MAPK4: variants seen among roughly 807,000 people sequenced by gnomAD.
MAPK4 encodes the protein mitogen-activated protein kinase 4.
A neutral mutation model predicts 47.7 loss-of-function variants in MAPK4; 22 were observed. That is an observed-to-expected ratio of 0.46 (90% CI 0.33 to 0.66). The LOEUF (loss-of-function observed/expected upper bound fraction) is 0.66, where lower values mean the gene tolerates loss of function less well. Ranked by LOEUF, MAPK4 falls within the 30% of genes least tolerant of loss-of-function variation. The probability of loss-of-function intolerance (pLI) is 0.02; values close to 1 mark genes in which losing one functional copy is unlikely to be tolerated. For synonymous variants in MAPK4, 390 were observed against 365.7 expected, an observed-to-expected ratio of 1.07 and a Z score of -0.76; for missense variants, 736 against 831.7, an observed-to-expected ratio of 0.88 and a Z score of 1.42.
chr18:50,664,031 C>T lies in MAPK4; in HGVS notation c.73C>T (p.Pro25Ser). 6.2e-7 allele frequency: 1 copy of T among 1,613,766 alleles called. No homozygotes were observed. Among genetic ancestry groups the T allele is most frequent in the Non-Finnish European group, 8.5e-7 (1 of 1,180,026 alleles). The change falls in exon 2 of 6, where the codon CCC (proline) becomes TCC (serine). Residue 25 changes from proline to serine, a missense_variant. By Grantham distance (74) the Pro-to-Ser change is moderately conservative (BLOSUM62 -1). This residue lies in a region of MAPK4 where 327 missense variants were observed against 395.4 expected (regional missense o/e 0.83). Transcript: ENST00000400384. This position sits in a 1 kb window ranked among gnomAD's most constrained non-coding sequence, Gnocchi z 6.0. ...CGGTGGGCGCTTTGTTGACTTCCAACCCCTGGGCTTCGGTGTCAATGGTTT... is the reference window on the plus strand; with the variant it reads ...CGGTGGGCGCTTTGTTGACTTCCAATCCCTGGGCTTCGGTGTCAATGGTTT... ...DLGGRFVDFQPLGFGVNGLVL... is the reference protein window; with the variant it reads ...DLGGRFVDFQSLGFGVNGLVL...
At chr18:50,574,837 T>C (rs1395025400) in intron 1 of MAPK4, among the ~76,000 whole-genome samples, 1 of 152,190 alleles carries the variant, frequency 6.6e-6, no homozygotes, top group Non-Finnish European at 1.5e-5. Flanking sequence ...CCAGGTGCAT[T>C]TGCAATAGAG....
chr18:50,686,790 G>A (rs190962410), intron 2 of MAPK4, among the ~76,000 whole-genome samples: 3 of 152,292 alleles, frequency 2.0e-5, no homozygotes, highest in East Asian at 3.9e-4. Context: ...GCTGACTGGC[G>A]GAGAAGAAAG....
At chr18:50,560,061 CT>C (rs2042137711), upstream of MAPK4, 1 of 148,036 alleles carries the variant, frequency 6.8e-6, no homozygotes, top group African/African-American at 2.4e-5. Flanking sequence ...GCGGCGCAGG[CT>C]GGGGCCGGGG....
At chr18:50,570,950 T>C (rs1180279248) in intron 1 of MAPK4, among the ~76,000 whole-genome samples, 1 of 152,146 alleles carries the variant, frequency 6.6e-6, no homozygotes, top group African/African-American at 2.4e-5. Flanking sequence ...GTGGCGGCTT[T>C]TATTTTTATT....
chr18:50,611,605 T>A (rs1013408928), intron 1 of MAPK4, among the ~76,000 whole-genome samples: 2 of 152,230 alleles, frequency 1.3e-5, no homozygotes, highest in Admixed American at 6.5e-5. Context: ...ATGGGAGAGC[T>A]GCCCATCTCT....
At chr18:50,561,314 G>T (rs1218427347) in intron 1 of MAPK4, among the ~76,000 whole-genome samples, 1 of 152,228 alleles carries the variant, frequency 6.6e-6, no homozygotes, top group Non-Finnish European at 1.5e-5. Flanking sequence ...GCCATTTACT[G>T]GGAGGTTACT....
intron 1 of MAPK4, among the ~76,000 whole-genome samples, chr18:50,632,538 G>A (rs1396826510): frequency 1.3e-5 from 2 of 150,770 alleles, no homozygotes; most frequent in Admixed American, 6.6e-5. Context: ...TCTGTGTCTC[G>A]TTATGGAATT....
chr18:50,678,706 C>G lies in MAPK4; in HGVS notation c.546+14202C>G, dbSNP rs1308980024. Among the ~76,000 whole-genome samples the G allele has an allele frequency of 6.6e-6, 1 of 152,192 alleles. No homozygotes were observed. Among genetic ancestry groups the G allele is most frequent in the East Asian group, 1.9e-4 (1 of 5,194 alleles). On this transcript the variant is annotated intron_variant, in intron 2 of 5. Coordinates refer to ENST00000400384, the MANE Select transcript of MAPK4 (RefSeq NM_002747.4). The surrounding 1 kb of genome is among the most constrained non-coding windows in gnomAD (Gnocchi z 4.2). ...GGCCTTGGTCCCACAGCTGCCCCCACACTCTTATTCTTGCTTTCTTCTCTT... is the reference window on the plus strand; with the variant it reads ...GGCCTTGGTCCCACAGCTGCCCCCAGACTCTTATTCTTGCTTTCTTCTCTT...
Position 50,664,756 on chromosome 18 carries a change from C to T in MAPK4, c.546+252C>T, listed in dbSNP as rs559041143. Among the ~76,000 whole-genome samples the T allele has an allele frequency of 2.9e-4, 44 of 152,284 alleles. No homozygotes were observed. The highest frequency in any genetic ancestry group is 7.9e-4 in the African/African-American group (33 of 41,556). ...CTGTGCCTGCAGAAGCTGGACTAGA[C>T]GATCTCCAAAATTTCTTCCAGCTCT... On this transcript the variant is annotated intron_variant, in intron 2 of 5. Transcript: ENST00000400384. The surrounding 1 kb of genome is among the most constrained non-coding windows in gnomAD (Gnocchi z 6.0).
At chr18:50,605,877 T>C (rs1452278431) in intron 1 of MAPK4, among the ~76,000 whole-genome samples, 1 of 152,140 alleles carries the variant, frequency 6.6e-6, no homozygotes, top group Non-Finnish European at 1.5e-5. Flanking sequence ...ATCTTCTTGT[T>C]CTTTAGGTTA....
At chr18:50,703,568 G>A (rs936518087) in intron 2 of MAPK4, among the ~76,000 whole-genome samples, 2 of 152,122 alleles carry the variant, frequency 1.3e-5, no homozygotes, top group African/African-American at 4.8e-5. Flanking sequence ...AGAAGACAGT[G>A]GGCTTAACAG....
At chr18:50,603,857 A>G (rs2042561573) in intron 1 of MAPK4, among the ~76,000 whole-genome samples, 1 of 152,246 alleles carries the variant, frequency 6.6e-6, no homozygotes. Flanking sequence ...TAGATGTCAC[A>G]AAGAGATAGA....
chr18:50,599,647 G>GTAAA (rs2042517730), intron 1 of MAPK4, among the ~76,000 whole-genome samples: 2 of 152,076 alleles, frequency 1.3e-5, no homozygotes, highest in Non-Finnish European at 2.9e-5. Flanking sequence ...TTGAACTCCT[G>GTAAA]GGCTCAAGCG....
chr18:50,710,657 G>T (rs1305116791), intron 2 of MAPK4, among the ~76,000 whole-genome samples: 1 of 151,890 alleles, frequency 6.6e-6, no homozygotes, highest in African/African-American at 2.4e-5. Context: ...GCAGGCACCT[G>T]CAGTCCCGGC....
intron 2 of MAPK4, among the ~76,000 whole-genome samples, chr18:50,708,770 G>C (rs1351646380): frequency 1.3e-5 from 2 of 152,120 alleles, no homozygotes; most frequent in African/African-American, 4.8e-5. Flanking sequence ...GGTCAAAGGA[G>C]CTACATCTGC....
chr18:50,696,245 A>G (rs1043374894), intron 2 of MAPK4, among the ~76,000 whole-genome samples: 7 of 152,196 alleles, frequency 4.6e-5, no homozygotes, highest in Non-Finnish European at 8.8e-5. Flanking sequence ...ATTACAAAAA[A>G]TCAAATACTC....
chr18:50,653,157 C>T (rs9961534), intron 1 of MAPK4, among the ~76,000 whole-genome samples: 111,000 of 151,358 alleles, frequency 0.73, 40,833 homozygotes, highest in East Asian at 0.78. Flanking sequence ...CCACTGCACA[C>T]CAGCCTGGGT....
At chr18:50,577,729 T>G (rs2042310166) in intron 1 of MAPK4, among the ~76,000 whole-genome samples, 2 of 152,208 alleles carry the variant, frequency 1.3e-5, no homozygotes. Flanking sequence ...GGCCTGAATA[T>G]GTTATGCTGT....
intron 2 of MAPK4, among the ~76,000 whole-genome samples, chr18:50,710,799 A>C (rs1910319050): frequency 6.7e-6 from 1 of 150,332 alleles, no homozygotes; most frequent in African/African-American, 2.4e-5. Context: ...AAATAAATAA[A>C]TAAATAAATA....
Sources: allele counts gnomAD v4.1 joint callset (sites outside exome capture counted in the v4.1 genomes callset), GRCh38; gene constraint gnomAD v4.1.1; regional missense constraint gnomAD v4.1.1; non-coding constraint Gnocchi (gnomAD v3.1); transcripts MANE v1.5; gene names NCBI Gene and HGNC (gene_info 2026-07-23, HGNC 2026-07-21).